WDR27: variants seen among roughly 807,000 people sequenced by gnomAD.
WDR27 encodes WD repeat domain 27.
In WDR27, 100 loss-of-function variants were observed where a neutral mutation model predicts 114.4. That is an observed-to-expected ratio of 0.87 (90% CI 0.74 to 1.03). The LOEUF (loss-of-function observed/expected upper bound fraction) is 1.03. Among genes scored for constraint, WDR27 ranks in the 50% least tolerant of loss-of-function variants. The probability of loss-of-function intolerance (pLI) is 0.00; values close to 1 mark genes in which losing one functional copy is unlikely to be tolerated. For synonymous variants in WDR27, 449 were observed against 423.1 expected (o/e 1.06, Z -0.75); for missense variants, 1,129 against 1,092.9 (o/e 1.03, Z -0.47).
intron 24 of WDR27, among the ~76,000 whole-genome samples, chr6:169,577,182 G>A (rs984940122): frequency 6.6e-6 from 1 of 152,172 alleles, no homozygotes; most frequent in African/African-American, 2.4e-5. Context: ...CCAACTCGCC[G>A]GCTCAGTCCA....
At chr6:169,452,069 G>A in the WDR27 span, among the ~76,000 whole-genome samples, 1 of 152,072 alleles carries the variant, frequency 6.6e-6, no homozygotes, top group Non-Finnish European at 1.5e-5. Flanking sequence ...TAAAATTCTA[G>A]TTTGTTTTAA....
At chr6:169,690,554 C>A (rs1365599395) in intron 1 of WDR27, among the ~76,000 whole-genome samples, 1 of 152,156 alleles carries the variant, frequency 6.6e-6, no homozygotes. Flanking sequence ...GCCCCCCTAC[C>A]CCATCCACCT....
Position 169,464,561 on chromosome 6 carries a change from AG to A in WDR27, c.2646-6928del, listed in dbSNP as rs1785309313. Among the ~76,000 whole-genome samples the A allele has an allele frequency of 2.0e-5, 3 of 152,242 alleles. No homozygotes were observed. In the South Asian group the frequency reaches 6.2e-4, roughly 32 times the overall value. On this transcript the variant is annotated intron_variant, in intron 25 of 25. Transcript: ENST00000448612. ...AAATTTTTTAAGTTTGTGCATAAAA[AG>A]GTACTATTAAAAGAGTGAAATAGCA...
the WDR27 span, among the ~76,000 whole-genome samples, chr6:169,433,092 C>T: frequency 6.6e-6 from 1 of 152,082 alleles, no homozygotes; most frequent in African/African-American, 2.4e-5. Flanking sequence ...TGTTGTTTGT[C>T]TGTTTTTTAC....
intron 25 of WDR27, among the ~76,000 whole-genome samples, chr6:169,469,346 A>G (rs1371132524): frequency 6.6e-6 from 1 of 152,222 alleles, no homozygotes; most frequent in African/African-American, 2.4e-5. Flanking sequence ...CCCAAAAGGG[A>G]GAAACAGGAA....
At chr6:169,503,951 G>A (rs1199147553) in intron 25 of WDR27, among the ~76,000 whole-genome samples, 2 of 151,912 alleles carry the variant, frequency 1.3e-5, no homozygotes, top group Non-Finnish European at 2.9e-5. Flanking sequence ...ACAACATTCT[G>A]GTTTAAATTA....
chr6:169,515,931 T>A (rs575651822), intron 25 of WDR27, among the ~76,000 whole-genome samples: 20 of 152,010 alleles, frequency 1.3e-4, no homozygotes, highest in Non-Finnish European at 2.2e-4. Flanking sequence ...ATTATAAAGA[T>A]CTTAATTCAC....
intron 23 of WDR27, among the ~76,000 whole-genome samples, chr6:169,583,251 G>A (rs1183107120): frequency 1.4e-5 from 2 of 145,660 alleles, no homozygotes; most frequent in Non-Finnish European, 3.0e-5. Flanking sequence ...TTTTAAGGAA[G>A]GAGTATAGAT....
At chr6:169,573,315 C>G (rs1801750139) in intron 24 of WDR27, among the ~76,000 whole-genome samples, 1 of 152,146 alleles carries the variant, frequency 6.6e-6, no homozygotes, top group African/African-American at 2.4e-5. Flanking sequence ...GAAAATAAAG[C>G]CCAACTACCC....
chr6:169,512,882 G>C (rs1365640535), intron 25 of WDR27, among the ~76,000 whole-genome samples: 1 of 152,156 alleles, frequency 6.6e-6, no homozygotes, highest in African/African-American at 2.4e-5. Context: ...AAAACACATA[G>C]AAAACTAAGG....
At chr6:169,654,951 G>A (rs1032230843) in intron 13 of WDR27, among the ~76,000 whole-genome samples, 2 of 152,218 alleles carry the variant, frequency 1.3e-5, no homozygotes, top group Non-Finnish European at 2.9e-5. Flanking sequence ...TTCTGGGAAA[G>A]GAGGGGATTT....
intron 13 of WDR27, among the ~76,000 whole-genome samples, chr6:169,656,423 T>C (rs1824206233): frequency 6.6e-6 from 1 of 152,178 alleles, no homozygotes; most frequent in Admixed American, 6.5e-5. Context: ...TGTGTCCACC[T>C]GGAGGTTTAT....
At chr6:169,583,108 G>A (rs889935065) in intron 23 of WDR27, among the ~76,000 whole-genome samples, 174 bp from the exon 24 acceptor site, 2 of 152,008 alleles carry the variant, frequency 1.3e-5, no homozygotes, top group East Asian at 3.9e-4. Context: ...TTATAAAATA[G>A]GCATCTTTTC....
chr6:169,587,727 C>T (rs929247201), intron 23 of WDR27, among the ~76,000 whole-genome samples: 2 of 152,310 alleles, frequency 1.3e-5, no homozygotes, highest in African/African-American at 4.8e-5. Flanking sequence ...CATAACAATC[C>T]TGTACCCACA....
intron 25 of WDR27, among the ~76,000 whole-genome samples, chr6:169,469,364 A>AG (rs1232272645): frequency 2.0e-5 from 3 of 152,238 alleles, no homozygotes; most frequent in Non-Finnish European, 4.4e-5. Context: ...GAAAGAAGGA[A>AG]GGGGTGACAG....
chr6:169,630,757 G>A (rs1223376329), intron 21 of WDR27, among the ~76,000 whole-genome samples: 1 of 152,032 alleles, frequency 6.6e-6, no homozygotes, highest in East Asian at 1.9e-4. Context: ...AGCCAGGCGT[G>A]GTGGCACGCG....
At chr6:169,541,920 A>G (rs1796895632) in intron 25 of WDR27, among the ~76,000 whole-genome samples, 1 of 152,192 alleles carries the variant, frequency 6.6e-6, no homozygotes, top group South Asian at 2.1e-4. Context: ...CTAGACAAAT[A>G]GGGAACAAAA....
chr6:169,497,913 G>A (rs965195046), intron 25 of WDR27, among the ~76,000 whole-genome samples: 7 of 151,536 alleles, frequency 4.6e-5, no homozygotes, highest in Non-Finnish European at 1.0e-4. Flanking sequence ...ATATATATAT[G>A]CAAAAAAACT....
At chr6:169,533,771 C>G (rs760112906) in intron 25 of WDR27, among the ~76,000 whole-genome samples, 3 of 152,198 alleles carry the variant, frequency 2.0e-5, no homozygotes, top group Admixed American at 6.5e-5. Context: ...AGGTGACAAT[C>G]TCACAAGCAA....
Sources: gnomAD v4.1 joint callset for allele counts (sites outside exome capture counted in the v4.1 genomes callset) on GRCh38, gnomAD v4.1.1 for gene constraint, MANE v1.5 for transcripts, NCBI Gene and HGNC (gene_info 2026-07-23, HGNC 2026-07-21) for gene names.